PATJ: variants seen among roughly 807,000 people sequenced by gnomAD.
PATJ encodes PATJ crumbs cell polarity complex component.
Under a neutral mutation model 224.9 loss-of-function variants are expected in PATJ, and 190 were observed. That is an observed-to-expected ratio of 0.84 (90% CI 0.75 to 0.95). PATJ has a LOEUF of 0.95. PATJ is among the 40% of genes least tolerant of loss of function. The probability of loss-of-function intolerance (pLI) is 0.00; values close to 1 mark genes in which losing one functional copy is unlikely to be tolerated. For missense variants in PATJ, 2,121 were observed against 2,270.3 expected (o/e 0.93, Z 1.34); for synonymous variants, 769 against 820.3 (o/e 0.94, Z 1.07).
intron 27 of PATJ, among the ~76,000 whole-genome samples, chr1:61,943,120 A>T (rs1678069087): frequency 6.6e-6 from 1 of 152,212 alleles, no homozygotes; most frequent in Admixed American, 6.5e-5. Flanking sequence ...CATGCTAAGT[A>T]AAGGAAGCCT....
At chr1:62,032,502 T>G (rs953415576) in intron 29 of PATJ, among the ~76,000 whole-genome samples, 1 of 152,326 alleles carries the variant, frequency 6.6e-6, no homozygotes, top group African/African-American at 2.4e-5. Context: ...AGTTTAATTA[T>G]GGAAGTGAAA....
intron 14 of PATJ, among the ~76,000 whole-genome samples, chr1:61,808,986 T>C (rs1654140894): frequency 6.6e-6 from 1 of 152,182 alleles, no homozygotes; most frequent in South Asian, 2.1e-4. Flanking sequence ...TTCCTAAAAA[T>C]CAAGACCCGG....
intron 27 of PATJ, among the ~76,000 whole-genome samples, chr1:61,951,317 G>A (rs989694029): frequency 2.0e-5 from 3 of 152,004 alleles, no homozygotes; most frequent in African/African-American, 4.8e-5. Flanking sequence ...TAATTTGGAT[G>A]TATTTATTAT....
chr1:62,054,656 C>G (rs1654237530), intron 31 of PATJ, among the ~76,000 whole-genome samples: 1 of 152,134 alleles, frequency 6.6e-6, no homozygotes, highest in South Asian at 2.1e-4. Context: ...TAGATGAGAG[C>G]CTGTTAGAAG....
intron 28 of PATJ, among the ~76,000 whole-genome samples, chr1:62,008,189 C>T (rs1011930239): frequency 6.6e-6 from 1 of 152,154 alleles, no homozygotes; most frequent in Non-Finnish European, 1.5e-5. Context: ...GTTATATGCT[C>T]CTCAGCTGTG....
At chr1:61,983,063 G>A (rs565469275) in intron 27 of PATJ, among the ~76,000 whole-genome samples, 1 of 151,990 alleles carries the variant, frequency 6.6e-6, no homozygotes, top group East Asian at 1.9e-4. Flanking sequence ...CTGAAATTAA[G>A]GAGGGGTGAC....
At chr1:62,138,101 T>C (rs947992170) in intron 41 of PATJ, among the ~76,000 whole-genome samples, 1 of 151,982 alleles carries the variant, frequency 6.6e-6, no homozygotes, top group African/African-American at 2.4e-5. Context: ...ATCATAAGAG[T>C]TGGGGAGGAT....
chr1:61,792,651 C>T (rs549265668), intron 9 of PATJ, among the ~76,000 whole-genome samples: 28 of 152,092 alleles, frequency 1.8e-4, no homozygotes, highest in Middle Eastern at 6.8e-3. Context: ...CTACCCCAGC[C>T]TTCGGGTAGC....
At chr1:61,861,530 A>G in intron 18 of PATJ, 21 bp from the exon 19 acceptor site, 1 of 1,078,148 alleles carries the variant, frequency 9.3e-7, no homozygotes, top group Admixed American at 2.4e-5. Context: ...ATTTATAAAT[A>G]AAAGTGGTTT....
intron 30 of PATJ, among the ~76,000 whole-genome samples, chr1:62,043,362 T>C (rs1019497162): frequency 2.6e-5 from 4 of 152,202 alleles, no homozygotes; most frequent in Admixed American, 6.5e-5. Context: ...CAGAGCCAAG[T>C]CTCAATCAGT....
chr1:61,861,280 C>CTTTCT (rs1557771748), intron 18 of PATJ, among the ~76,000 whole-genome samples: 1 of 28,648 alleles, frequency 3.5e-5, no homozygotes, highest in Admixed American at 4.6e-4. Flanking sequence ...TATTTTCTTT[C>CTTTCT]TTTCTTTTTT....
intron 14 of PATJ, among the ~76,000 whole-genome samples, chr1:61,821,583 T>A (rs541368473): frequency 6.6e-6 from 1 of 152,184 alleles, no homozygotes; most frequent in Non-Finnish European, 1.5e-5. Context: ...AAGGAAGGCC[T>A]GTGGCACTCT....
intron 17 of PATJ, among the ~76,000 whole-genome samples, chr1:61,842,768 A>AAAAAAAGGAAAAGAT (rs779524401): frequency 6.6e-6 from 1 of 151,892 alleles, no homozygotes; most frequent in Non-Finnish European, 1.5e-5. Flanking sequence ...GCTATTAAAA[A>AAAAAAAGGAAAAGAT]AAAAAAGGAA....
intron 27 of PATJ, among the ~76,000 whole-genome samples, chr1:61,934,741 A>G (rs971509601): frequency 6.6e-6 from 1 of 152,032 alleles, no homozygotes; most frequent in Non-Finnish European, 1.5e-5. Flanking sequence ...GAGGCTAATG[A>G]CCCTCTCTGT....
intron 16 of PATJ, among the ~76,000 whole-genome samples, chr1:61,831,907 A>G (rs1659394430): frequency 6.6e-6 from 1 of 152,220 alleles, no homozygotes; most frequent in Non-Finnish European, 1.5e-5. Context: ...TCCCAATAGC[A>G]AAGACATGGA....
At position 61,886,819 on chromosome 1, in the gene PATJ, C is replaced by CAAAAAAAAAAAAAAAAA. The variant is rs35950461; in HGVS notation, c.3131+2423_3131+2424insAAAAAAAAAAAAAAAAA. On this transcript the variant is annotated intron_variant, in intron 22 of 43. Coordinates refer to ENST00000642238, the MANE Select transcript of PATJ (RefSeq NM_001350145.3). The stretch of plus-strand genomic sequence containing the variant: ...TGGGCAACAGAGCAAGACCCCATCT[C>CAAAAAAAAAAAAAAAAA]AAAAAAAAAAAATTAGCCTGTTGTG... Among the ~76,000 whole-genome samples, 639 of 87,414 alleles carry CAAAAAAAAAAAAAAAAA rather than the reference C, an allele frequency of 7.3e-3. 195 individuals carry two copies. The highest frequency in any genetic ancestry group is 0.012 in the Non-Finnish European group (466 of 37,310). 57.3% of individuals were successfully genotyped at this position (87,414 alleles called of 152,430 possible). A position where few individuals can be genotyped will look rare whatever the true frequency, so the allele number is the denominator to read the frequency against.
At position 62,100,249 on chromosome 1, in the gene PATJ, T is replaced by C. The variant is rs1230166849; in HGVS notation, c.4378-8188T>C. ...TCAGAAGCTTGGTGTCTTACTCCAT[T>C]TTCTGCTGCTATAACAGAATATCTG... On this transcript the variant is annotated intron_variant, in intron 33 of 43. Transcript: ENST00000642238. The C allele has an allele frequency of 9.7e-6, 6 of 617,792 alleles. No homozygotes were observed. In the East Asian group the frequency reaches 1.7e-4, roughly 17 times the overall value. 38.3% of individuals were successfully genotyped at this position (617,792 alleles called of 1,614,324 possible).
chr1:61,838,129 C>G (rs1660481089), intron 17 of PATJ, among the ~76,000 whole-genome samples: 1 of 152,088 alleles, frequency 6.6e-6, no homozygotes, highest in Non-Finnish European at 1.5e-5. Context: ...TCTTAGGGTA[C>G]AGTGGTAGTA....
At chr1:62,019,605 G>A (rs1646963739) in intron 29 of PATJ, among the ~76,000 whole-genome samples, 1 of 151,824 alleles carries the variant, frequency 6.6e-6, no homozygotes, top group South Asian at 2.1e-4. Context: ...TCTATTTTCA[G>A]AGAGTGAAAG....
Sources: allele counts gnomAD v4.1 joint callset (sites outside exome capture counted in the v4.1 genomes callset), GRCh38; gene constraint gnomAD v4.1.1; transcripts MANE v1.5; gene names NCBI Gene and HGNC (gene_info 2026-07-23, HGNC 2026-07-21).